STPG4: variants seen among roughly 807,000 people sequenced by gnomAD.
STPG4 encodes the protein protein STPG4.
In STPG4, 41 loss-of-function variants were observed where a neutral mutation model predicts 31.5. That is an observed-to-expected ratio of 1.30 (90% CI 1.01 to 1.69). The LOEUF (loss-of-function observed/expected upper bound fraction) is 1.69. STPG4 is among the 40% of genes most tolerant of loss of function. The pLI is 0.00. For synonymous variants in STPG4, 141 were observed against 103.0 expected, an observed-to-expected ratio of 1.37 and a Z score of -2.24; for missense variants, 375 against 293.4, an observed-to-expected ratio of 1.28 and a Z score of -2.03.
intron 5 of STPG4, among the ~76,000 whole-genome samples, chr2:47,114,816 G>A (rs937097337): frequency 6.6e-6 from 1 of 152,008 alleles, no homozygotes; most frequent in Non-Finnish European, 1.5e-5. Flanking sequence ...CACCCAGGCT[G>A]GAGTGCAGTG....
At chr2:47,115,802 G>C (rs575670980) in intron 5 of STPG4, among the ~76,000 whole-genome samples, 1 of 152,002 alleles carries the variant, frequency 6.6e-6, no homozygotes, top group African/African-American at 2.4e-5. Context: ...ACAGGCGCAC[G>C]CTGCCATGCA....
intron 3 of STPG4, among the ~76,000 whole-genome samples, chr2:47,148,348 G>C (rs1029167172): frequency 6.6e-6 from 1 of 151,740 alleles, no homozygotes; most frequent in African/African-American, 2.4e-5. Flanking sequence ...TGGGTGATGG[G>C]ATCAATCGTA....
At chr2:47,089,731 G>A (rs1685530836) in intron 6 of STPG4, among the ~76,000 whole-genome samples, 1 of 151,994 alleles carries the variant, frequency 6.6e-6, no homozygotes, top group South Asian at 2.1e-4. Flanking sequence ...AGGTTTGGAG[G>A]AGTCCTGTAT....
Position 47,087,126 on chromosome 2 carries a change from G to A in STPG4, c.629C>T (p.Thr210Ile), listed in dbSNP as rs1261936138. The change falls in exon 7 of 7, where the codon ACC becomes ATC. Residue 210 changes from threonine (T) to isoleucine (I), a missense_variant. Coordinates refer to ENST00000445927, the MANE Select transcript of STPG4 (RefSeq NM_001163561.2). ...AGTTGTATATGCTCCTGGGCCTGGGGTTTTCTGAAAACAGAGCAGAAAACA... is the reference window on the plus strand; with the variant it reads ...AGTTGTATATGCTCCTGGGCCTGGGATTTTCTGAAAACAGAGCAGAAAACA... Reference protein sequence around the residue: ...VPRFLPSCSKTPGPGAYTTLR... With the variant: ...VPRFLPSCSKIPGPGAYTTLR... 1.3e-6 allele frequency: 2 copies of A among 1,551,672 alleles called. No homozygotes were observed. Among genetic ancestry groups the A allele is most frequent in the South Asian group, 1.2e-5 (1 of 84,058 alleles).
At chr2:47,106,057 G>T (rs1237292034) in intron 5 of STPG4, among the ~76,000 whole-genome samples, 2 of 151,546 alleles carry the variant, frequency 1.3e-5, no homozygotes, top group Non-Finnish European at 2.9e-5. Context: ...GAGAGAAAAA[G>T]AAAGAGAAAG....
At chr2:47,093,946 T>A (rs1271633661) in intron 5 of STPG4, among the ~76,000 whole-genome samples, 2 of 152,198 alleles carry the variant, frequency 1.3e-5, no homozygotes, top group Non-Finnish European at 2.9e-5. Context: ...TGCTGCCCCA[T>A]CCGAGGACGG....
chr2:47,089,155 G>C (rs989694338), intron 6 of STPG4, among the ~76,000 whole-genome samples: 1 of 152,226 alleles, frequency 6.6e-6, no homozygotes, highest in Non-Finnish European at 1.5e-5. Context: ...TGTTGCCTGG[G>C]AGTTTGGTTA....
chr2:47,099,553 G>C (rs1005809541), intron 5 of STPG4, among the ~76,000 whole-genome samples: 1 of 152,286 alleles, frequency 6.6e-6, no homozygotes, highest in African/African-American at 2.4e-5. Flanking sequence ...CTATTTTTGA[G>C]AGGTGACAGC....
At chr2:47,139,709 G>GT (rs1308879861) in intron 3 of STPG4, among the ~76,000 whole-genome samples, 1 of 151,992 alleles carries the variant, frequency 6.6e-6, no homozygotes, top group East Asian at 1.9e-4. Context: ...TCAAAAGTGG[G>GT]TTTCTTGTAG....
In STPG4 at chr2:47,087,033, T is replaced by G. The variant is rs886493230; in HGVS notation, c.722A>C (p.Asn241Thr). The G allele has an allele frequency of 1.3e-6, 2 of 1,551,768 alleles. No homozygotes were observed. The highest frequency in any genetic ancestry group is 1.2e-5 in the South Asian group (1 of 84,064). Reference protein sequence around the residue: ...KMGQEHSLFFNNNNWLLK With the variant: ...KMGQEHSLFFTNNNWLLK ...TTATTTTAAAAGCCAATTGTTGTTG[T>G]TGAAGAAAAGGCTATGCTCTTGGCC... The change falls in exon 7 of 7, where the codon AAC becomes ACC. Residue 241 changes from asparagine (N) to threonine (T), a missense_variant. By Grantham distance (65) the Asn-to-Thr change is moderately conservative. Transcript: ENST00000445927.
chr2:47,147,572 G>A (rs1470456084), intron 3 of STPG4, among the ~76,000 whole-genome samples: 2 of 152,166 alleles, frequency 1.3e-5, no homozygotes, highest in African/African-American at 4.8e-5. Context: ...TAAGGAGTGA[G>A]TGGCTGAGGT....
chr2:47,103,715 G>A (rs1291763361), intron 5 of STPG4, among the ~76,000 whole-genome samples: 1 of 152,008 alleles, frequency 6.6e-6, no homozygotes, highest in Non-Finnish European at 1.5e-5. Context: ...GCACTGCCCA[G>A]AGGATGAAGG....
intron 3 of STPG4, among the ~76,000 whole-genome samples, chr2:47,135,797 T>G (rs1686584769): frequency 6.6e-6 from 1 of 152,262 alleles, no homozygotes; most frequent in South Asian, 2.1e-4. Context: ...GTTGACTATA[T>G]TTTTGTGTGT....
intron 5 of STPG4, 81 bp from the exon 6 acceptor site, chr2:47,090,455 A>C (rs961198997): frequency 1.1e-6 from 1 of 898,322 alleles, no homozygotes; most frequent in African/African-American, 1.7e-5. Context: ...CTACAAATAA[A>C]CATATGAATC....
intron 5 of STPG4, among the ~76,000 whole-genome samples, chr2:47,106,363 C>G (rs35482349): frequency 0.051 from 7,685 of 151,808 alleles, 447 homozygotes; most frequent in East Asian, 0.3. Context: ...AGCTCAAGTC[C>G]GTCAGCGCAG....
At chr2:47,113,645 G>A (rs1044914596) in intron 5 of STPG4, among the ~76,000 whole-genome samples, 1 of 152,182 alleles carries the variant, frequency 6.6e-6, no homozygotes. Context: ...TTGGTGAAAT[G>A]AGTATGCTCT....
At position 47,108,826 on chromosome 2, in the gene STPG4, G is replaced by A. The variant is rs913473785; in HGVS notation, c.520-18452C>T. ...CCTGATTACAGTGATTGGCCCAGGG[G>A]CAGGCACCTGACCCTAACTGGCCAA... On this transcript the variant is annotated intron_variant, in intron 5 of 6. Coordinates refer to ENST00000445927, the MANE Select transcript of STPG4 (RefSeq NM_001163561.2). 3.3e-5 allele frequency: 5 copies of A among 152,386 alleles called. No individual in the cohort carries two copies. In the East Asian group the frequency reaches 7.7e-4, roughly 24 times the overall value. The allele number at this position is 152,386 out of a possible 1,614,324, so 9.4% of individuals were successfully genotyped here. A position where few individuals can be genotyped will look rare whatever the true frequency, so the allele number is the denominator to read the frequency against.
At chr2:47,094,310 G>T (rs1685629280) in intron 5 of STPG4, among the ~76,000 whole-genome samples, 1 of 152,176 alleles carries the variant, frequency 6.6e-6, no homozygotes, top group South Asian at 2.1e-4. Context: ...CTCCAGGGGA[G>T]AACAGAATAG....
intron 5 of STPG4, among the ~76,000 whole-genome samples, chr2:47,105,062 T>C (rs1685883051): frequency 6.6e-6 from 1 of 151,918 alleles, no homozygotes. Context: ...GCTCATCTAG[T>C]AGAATGGCAA....
Sources: gnomAD v4.1 joint callset for allele counts (sites outside exome capture counted in the v4.1 genomes callset) on GRCh38, gnomAD v4.1.1 for gene constraint, MANE v1.5 for transcripts, NCBI Gene and HGNC (gene_info 2026-07-23, HGNC 2026-07-21) for gene names.